The following KIAA1671 variants were observed in gnomAD, a reference collection of about 807,000 sequenced individuals.
KIAA1671 encodes KIAA1671, also known as uncharacterized protein KIAA1671.
In KIAA1671, 52 loss-of-function variants were observed where a neutral mutation model predicts 131.2. The observed-to-expected ratio is 0.40, with a 90% confidence interval of 0.32 to 0.50. The LOEUF is 0.50. KIAA1671 is among the 20% of genes least tolerant of loss of function. The pLI is 0.73. For missense variants in KIAA1671, 2,360 were observed against 2,364.2 expected (o/e 1.00, Z 0.04); for synonymous variants, 1,003 against 961.6 (o/e 1.04, Z -0.80).
rs1433634064 is a variant in KIAA1671 at position 25,045,147 on chromosome 22, A to T, written c.4395+3622A>T. On this transcript the variant is annotated intron_variant, in intron 5 of 12. Transcript: ENST00000358431. ...CTGCACTCCAGCCTGGGCGACAGAG[A>T]GAGACTCCGTCTCAAAGAAAAAAAA... Among the ~76,000 whole-genome samples the T allele has an allele frequency of 9.9e-5, 15 of 151,906 alleles. No homozygotes were observed. The South Asian group carries it at 3.1e-3, about 32-fold the overall frequency.
chr22:25,180,791 T>C (rs982041244), intron 9 of KIAA1671, among the ~76,000 whole-genome samples: 4 of 152,230 alleles, frequency 2.6e-5, no homozygotes, highest in Admixed American at 1.3e-4. Flanking sequence ...ATTTCTGTTA[T>C]TAAAGGAAAT....
chr22:25,133,949 C>A (rs914334144), intron 6 of KIAA1671, among the ~76,000 whole-genome samples: 1 of 152,158 alleles, frequency 6.6e-6, no homozygotes, highest in Non-Finnish European at 1.5e-5. Flanking sequence ...AAGATACTGG[C>A]CTGAGAGGGC....
rs565013572 is a variant in KIAA1671, at chr22:25,016,299, G to A, written c.-207-9334G>A. Among the ~76,000 whole-genome samples the A allele has an allele frequency of 3.9e-5, 6 of 151,998 alleles. No individual in the cohort carries two copies. The East Asian group carries it at 5.8e-4, about 15-fold the overall frequency. On this transcript the variant is annotated intron_variant, in intron 1 of 12. Transcript: ENST00000358431. ...CTCCCAAAGTGCTGGGATTACAGGC[G>A]TGAGCCACCGTGCCCAGCCAAGAAT...
In KIAA1671 at chr22:25,193,701, A is replaced by G. The variant is rs976935157; in HGVS notation, c.*1300A>G. 1 of 152,104 alleles carries G rather than the reference A, an allele frequency of 6.6e-6. No homozygotes were observed. Among genetic ancestry groups the G allele is most frequent in the African/African-American group, 2.4e-5 (1 of 41,392 alleles). 9.4% of individuals were successfully genotyped at this position (152,104 alleles called of 1,614,324 possible). ...CCTCTGTTTCTTTAGGTTAGGATAA[A>G]CACCTGGGCCCTGGTGAGGCAGTTG... On this transcript the variant is annotated 3_prime_UTR_variant, in exon 13 of 13. Transcript: ENST00000358431.
intron 1 of KIAA1671, among the ~76,000 whole-genome samples, chr22:24,954,122 C>T (rs1205692334): frequency 6.6e-6 from 1 of 152,156 alleles, no homozygotes; most frequent in Non-Finnish European, 1.5e-5. Flanking sequence ...TACTTGCTAT[C>T]TTTTGAAACC....
intron 6 of KIAA1671, among the ~76,000 whole-genome samples, chr22:25,130,339 C>A (rs1240383346): frequency 6.6e-6 from 1 of 152,122 alleles, no homozygotes; most frequent in African/African-American, 2.4e-5. Context: ...CCACTTAGTC[C>A]CTGCTTTTCT....
chr22:25,026,955 G>A (rs1925979124), intron 2 of KIAA1671, among the ~76,000 whole-genome samples: 1 of 152,140 alleles, frequency 6.6e-6, no homozygotes. Flanking sequence ...TGAACAAGAG[G>A]CTTATGCCCC....
chr22:25,078,489 A>G (rs1929230369), intron 6 of KIAA1671, among the ~76,000 whole-genome samples: 1 of 152,300 alleles, frequency 6.6e-6, no homozygotes, highest in Admixed American at 6.5e-5. Context: ...GGATTGTACC[A>G]CTGCTTCCCA....
intron 1 of KIAA1671, chr22:25,024,530 G>A (rs73157978): frequency 6.6e-6 from 1 of 152,278 alleles, no homozygotes; most frequent in Non-Finnish European, 1.5e-5. Flanking sequence ...GCACTTCACA[G>A]CTTTTTGATT....
chr22:25,001,443 A>C (rs1924476447), intron 1 of KIAA1671, among the ~76,000 whole-genome samples: 2 of 152,114 alleles, frequency 1.3e-5, no homozygotes, highest in Non-Finnish European at 2.9e-5. Flanking sequence ...CTTTTTATGT[A>C]GGGGATGAAA....
At chr22:25,031,898 A>G (rs1926314673) in intron 3 of KIAA1671, among the ~76,000 whole-genome samples, 1 of 152,166 alleles carries the variant, frequency 6.6e-6, no homozygotes, top group African/African-American at 2.4e-5. Flanking sequence ...GGTTAAGTTT[A>G]AGTGGTTTGA....
intron 6 of KIAA1671, among the ~76,000 whole-genome samples, chr22:25,135,315 A>G (rs566306340): frequency 2.0e-4 from 30 of 152,292 alleles, no homozygotes; most frequent in African/African-American, 7.2e-4. Context: ...CCTCCCGAGT[A>G]GCTGGGACTA....
intron 11 of KIAA1671, 171 bp downstream of exon 11, chr22:25,185,290 A>G (rs2146042971): frequency 2.7e-6 from 2 of 754,394 alleles, no homozygotes; most frequent in East Asian, 2.9e-5. Flanking sequence ...ATACCTAAAA[A>G]GTACAACAGA....
intron 6 of KIAA1671, among the ~76,000 whole-genome samples, chr22:25,104,262 A>G (rs1410647813): frequency 6.6e-6 from 1 of 152,246 alleles, no homozygotes; most frequent in Non-Finnish European, 1.5e-5. Context: ...TACAGGCATG[A>G]GCCACTGCTC....
chr22:25,115,357 G>C lies in KIAA1671; in HGVS notation c.4531-55463G>C, dbSNP rs561807792. Among the ~76,000 whole-genome samples the C allele has an allele frequency of 2.0e-5, 3 of 152,288 alleles. No homozygotes were observed. In the East Asian group the frequency reaches 5.8e-4, roughly 29 times the overall value. Reference sequence around the variant, plus strand: ...AGGCCATGGGGTGCCGCACCAAGGAGGGCTTTGGAGTCAGACAGACTTAGG... The same window carrying C: ...AGGCCATGGGGTGCCGCACCAAGGACGGCTTTGGAGTCAGACAGACTTAGG... On this transcript the variant is annotated intron_variant, in intron 6 of 12. Coordinates refer to ENST00000358431, the MANE Select transcript of KIAA1671 (RefSeq NM_001145206.2).
intron 6 of KIAA1671, chr22:25,057,343 G>T (rs1015214531): frequency 6.6e-6 from 1 of 152,268 alleles, no homozygotes; most frequent in Non-Finnish European, 1.5e-5. Context: ...GCCACGCAGG[G>T]CCCCCAGCTG....
At chr22:25,064,316 C>T (rs1928346694) in intron 6 of KIAA1671, 1 of 144,756 alleles carries the variant, frequency 6.9e-6, no homozygotes, top group East Asian at 2.1e-4. Flanking sequence ...CCACATTGGC[C>T]TCCCAAAGTG....
chr22:25,093,834 GTCTGTCTCTCTCTCTCTCTCTC>G (rs1930250267), intron 6 of KIAA1671, among the ~76,000 whole-genome samples: 7 of 16,936 alleles, frequency 4.1e-4, no homozygotes, highest in African/African-American at 9.9e-4. Flanking sequence ...TTCTCTCTCT[GTCTGTCTCTCTCTCTCTCTCTC>G]TCTCTCTCTC....
In KIAA1671 at chr22:25,041,012, T is replaced by G. The variant is rs1926893894; in HGVS notation, c.3882T>G (p.Pro1294=). The G allele has an allele frequency of 6.8e-7, 1 of 1,480,532 alleles. No homozygotes were observed. Among genetic ancestry groups the G allele is most frequent in the Non-Finnish European group, 9.0e-7 (1 of 1,114,932 alleles). The allele number at this position is 1,480,532 out of a possible 1,614,324, so 91.7% of individuals were successfully genotyped here. ...CAGCCATGGGCACCAAATCTAGCCC[T>G]CCCTTCTGGGCTCTGCCACCCTCGG... ...LETAMGTKSS[P]PFWALPPSAP... is the part of the protein sequence containing the mutation. Residue 1294 remains proline (P), a synonymous_variant, in exon 5 of 13, where the codon CCT becomes CCG. Transcript: ENST00000358431.
Sources: allele counts gnomAD v4.1 joint callset (sites outside exome capture counted in the v4.1 genomes callset), GRCh38; gene constraint gnomAD v4.1.1; transcripts MANE v1.5; gene names NCBI Gene and HGNC (gene_info 2026-07-23, HGNC 2026-07-21).